FGF14: variants seen among roughly 807,000 people sequenced by gnomAD.
FGF14 encodes the protein fibroblast growth factor 14.
A neutral mutation model predicts 25.5 loss-of-function variants in FGF14; 5 were observed. The observed-to-expected ratio is 0.20, with a 90% CI of 0.10 to 0.41. The LOEUF is 0.41. Among genes scored for constraint, FGF14 ranks in the 10% least tolerant of loss-of-function variants. FGF14 has a pLI of 1.00. For synonymous variants in FGF14, 138 were observed against 118.3 expected, an observed-to-expected ratio of 1.17 and a Z score of -1.08; for missense variants, 222 against 320.1, an observed-to-expected ratio of 0.69 and a Z score of 2.34.
intron 1 of FGF14, among the ~76,000 whole-genome samples, chr13:102,348,752 TGAA>T (rs995267169): frequency 7.9e-5 from 12 of 152,150 alleles, no homozygotes; most frequent in Admixed American, 5.9e-4. Flanking sequence ...ACCAGGAAAC[TGAA>T]GAAGAATCCT....
chr13:102,337,534 C>T (rs1438703473), intron 1 of FGF14, among the ~76,000 whole-genome samples: 1 of 152,106 alleles, frequency 6.6e-6, no homozygotes, highest in Non-Finnish European at 1.5e-5. Flanking sequence ...CAGAATGTAG[C>T]ATATCCCATA....
intron 1 of FGF14, among the ~76,000 whole-genome samples, chr13:102,121,561 G>A (rs995770273): frequency 3.9e-5 from 6 of 152,100 alleles, no homozygotes; most frequent in Non-Finnish European, 8.8e-5. Flanking sequence ...GTTTTTATTT[G>A]TAATCATATT....
rs778352765 is a variant in FGF14, at chr13:101,916,574, C to A, written c.72G>T (p.Pro24=). The A allele has an allele frequency of 5.0e-6, 8 of 1,609,686 alleles. No individual in the cohort carries two copies. Among genetic ancestry groups the A allele is most frequent in the Non-Finnish European group, 5.1e-6 (6 of 1,178,534 alleles). ...RQAREQHWDR[P]SASRRRSSPS... The stretch of plus-strand genomic sequence containing the variant: ...GGCTGCTCCGCCTCCTGCTGGCAGA[C>A]GGCCGGTCCCAGTGCTGCTCCCGCG... The change falls in exon 1 of 5, where the codon CCG becomes CCT. Residue 24 remains proline, a synonymous_variant. Coordinates refer to ENST00000376143, the MANE Select transcript of FGF14 (RefSeq NM_004115.4).
intron 1 of FGF14, among the ~76,000 whole-genome samples, chr13:102,032,812 G>C (rs139425335): frequency 6.6e-6 from 1 of 152,164 alleles, no homozygotes; most frequent in Non-Finnish European, 1.5e-5. Context: ...AAGACCATGG[G>C]GAAGGCAGCA....
At chr13:102,392,503 G>C (rs1039139930) in intron 1 of FGF14, among the ~76,000 whole-genome samples, 2 of 152,118 alleles carry the variant, frequency 1.3e-5, no homozygotes, top group Non-Finnish European at 2.9e-5. Context: ...AACTCTCCCA[G>C]AACTGTCCAT....
intron 1 of FGF14, among the ~76,000 whole-genome samples, chr13:102,338,747 C>T (rs1394565726): frequency 6.6e-6 from 1 of 152,096 alleles, no homozygotes; most frequent in Admixed American, 6.5e-5. Context: ...GGTGCCATGG[C>T]TTATGCCTGT....
At chr13:102,067,649 A>G (rs1367267158) in intron 1 of FGF14, among the ~76,000 whole-genome samples, 2 of 150,594 alleles carry the variant, frequency 1.3e-5, no homozygotes, top group South Asian at 2.1e-4. Context: ...CATGCCTACT[A>G]GATCTACAAA....
upstream of FGF14, among the ~76,000 whole-genome samples, chr13:101,920,894 G>A (rs114626312): frequency 5.4e-3 from 829 of 152,228 alleles, 10 homozygotes; most frequent in African/African-American, 0.019. Flanking sequence ...CTATGAGAAA[G>A]TACTTCTAAA....
In FGF14 at chr13:102,307,297, G is replaced by A. The variant is rs533898271; in HGVS notation, c.208+94174C>T. Reference sequence around the variant, plus strand: ...CCGGAAAGGAACGCAGGCCCCTGATGCCTTCATTTTAGCCAGGTGAGATCC... The same window carrying A: ...CCGGAAAGGAACGCAGGCCCCTGATACCTTCATTTTAGCCAGGTGAGATCC... On this transcript the variant is annotated intron_variant, in intron 1 of 4. Coordinates refer to the FGF14 transcript ENST00000376131. 2.6e-5 allele frequency among the ~76,000 whole-genome samples: 4 copies of A among 152,238 alleles called. No homozygotes were observed. In the East Asian group the frequency reaches 7.7e-4, roughly 29 times the overall value.
intron 1 of FGF14, among the ~76,000 whole-genome samples, chr13:101,888,332 C>A (rs1233584675): frequency 1.3e-5 from 2 of 152,002 alleles, no homozygotes; most frequent in Non-Finnish European, 2.9e-5. Context: ...AAATTTTAAC[C>A]TGAAAAAGTA....
chr13:102,138,784 CAA>C (rs1470350272), intron 1 of FGF14, among the ~76,000 whole-genome samples: 2 of 152,308 alleles, frequency 1.3e-5, no homozygotes, highest in East Asian at 3.9e-4. Context: ...TTAAGTGAAG[CAA>C]AGTTATTGTG....
At chr13:101,989,175 G>A (rs1425768911) in intron 1 of FGF14, among the ~76,000 whole-genome samples, 1 of 151,884 alleles carries the variant, frequency 6.6e-6, no homozygotes, top group East Asian at 1.9e-4. Context: ...AGAATTAATG[G>A]GCTTTGAAAT....
intron 3 of FGF14, among the ~76,000 whole-genome samples, chr13:101,753,542 C>T (rs558056994): frequency 2.0e-5 from 3 of 152,234 alleles, no homozygotes; most frequent in Non-Finnish European, 2.9e-5. Context: ...CGATGGCTCA[C>T]GCCTGTAATC....
At chr13:102,318,607 C>T (rs961049859) in intron 1 of FGF14, among the ~76,000 whole-genome samples, 3 of 152,174 alleles carry the variant, frequency 2.0e-5, no homozygotes, top group African/African-American at 7.2e-5. Context: ...CTTCGACTGG[C>T]ATTCTCCGAG....
intron 1 of FGF14, among the ~76,000 whole-genome samples, chr13:102,095,660 G>A (rs972135411): frequency 2.0e-5 from 3 of 152,042 alleles, no homozygotes; most frequent in Non-Finnish European, 4.4e-5. Flanking sequence ...CCTACTCAAT[G>A]TGAAGACACC....
chr13:102,117,702 T>C (rs2045537672), intron 1 of FGF14, among the ~76,000 whole-genome samples: 1 of 152,200 alleles, frequency 6.6e-6, no homozygotes, highest in African/African-American at 2.4e-5. Flanking sequence ...GGTGTTGGAA[T>C]GATCCCAAGG....
chr13:102,027,419 C>A (rs1032733701), intron 1 of FGF14, among the ~76,000 whole-genome samples: 2 of 151,800 alleles, frequency 1.3e-5, no homozygotes, highest in Non-Finnish European at 2.9e-5. Flanking sequence ...AAGGGGGATA[C>A]ATAAGCAAAT....
intron 1 of FGF14, among the ~76,000 whole-genome samples, chr13:102,136,045 A>C (rs978150305): frequency 2.0e-5 from 3 of 152,122 alleles, no homozygotes; most frequent in Non-Finnish European, 2.9e-5. Flanking sequence ...TATATTCCCT[A>C]AAAGAAGTAA....
chr13:101,860,367 G>A (rs918666539), intron 3 of FGF14, among the ~76,000 whole-genome samples: 6 of 151,894 alleles, frequency 4.0e-5, no homozygotes, highest in Admixed American at 2.6e-4. Context: ...TCTGGTTAAT[G>A]GAAAAGGTGA....
Sources: allele counts gnomAD v4.1 joint callset (sites outside exome capture counted in the v4.1 genomes callset), GRCh38; gene constraint gnomAD v4.1.1; transcripts MANE v1.5; gene names NCBI Gene and HGNC (gene_info 2026-07-23, HGNC 2026-07-21).